The following PDE3A variants were observed in gnomAD, a reference collection of about 807,000 sequenced individuals.
PDE3A encodes phosphodiesterase 3A, also known as cGMP-inhibited 3',5'-cyclic phosphodiesterase 3A.
A neutral mutation model predicts 98.3 loss-of-function variants in PDE3A; 43 were observed. That is an observed-to-expected ratio of 0.44 (90% CI 0.34 to 0.56). The LOEUF (loss-of-function observed/expected upper bound fraction) is 0.56. PDE3A is among the 20% of genes least tolerant of loss of function. The pLI, the probability that PDE3A is intolerant of heterozygous loss-of-function variation, is 0.01. For missense variants in PDE3A, 1,427 were observed against 1,440.7 expected (o/e 0.99, Z 0.15); for synonymous variants, 663 against 567.9 (o/e 1.17, Z -2.38).
At chr12:20,615,856 A>T (rs1013645349) in intron 3 of PDE3A, among the ~76,000 whole-genome samples, 2 of 151,984 alleles carry the variant, frequency 1.3e-5, no homozygotes, top group African/African-American at 4.8e-5. Flanking sequence ...CTCCCGAGCA[A>T]CTGAGATTAC....
intron 1 of PDE3A, among the ~76,000 whole-genome samples, chr12:20,513,296 G>T (rs139040861): frequency 2.0e-5 from 3 of 152,086 alleles, no homozygotes; most frequent in African/African-American, 7.2e-5. Flanking sequence ...AAATATTTGT[G>T]GGTGTTGAGT....
At chr12:20,635,552 T>A (rs1944485953) in intron 8 of PDE3A, among the ~76,000 whole-genome samples, 1 of 147,306 alleles carries the variant, frequency 6.8e-6, no homozygotes, top group African/African-American at 2.5e-5. Flanking sequence ...CACTCCAGCC[T>A]GCGCAATAGA....
At chr12:20,523,495 G>A (rs1946465891) in intron 1 of PDE3A, among the ~76,000 whole-genome samples, 2 of 152,172 alleles carry the variant, frequency 1.3e-5, no homozygotes, top group Admixed American at 6.5e-5. Context: ...TCTTTGGTCT[G>A]CAGAGCCAAA....
intron 15 of PDE3A, among the ~76,000 whole-genome samples, chr12:20,660,973 G>GA (rs1009410830): frequency 1.3e-5 from 2 of 152,118 alleles, no homozygotes; most frequent in Non-Finnish European, 2.9e-5. Flanking sequence ...GGGCTCAGAA[G>GA]AAAAAAGAAA....
rs779814725 is a variant in PDE3A at position 20,370,153 on chromosome 12, G to A, written c.869G>A (p.Arg290Lys). The change falls in exon 1 of 16, where the codon AGG becomes AAG. Residue 290 changes from arginine to lysine, a missense_variant. By Grantham distance (26) the Arg-to-Lys change is conservative (BLOSUM62 2). Coordinates refer to ENST00000359062, the MANE Select transcript of PDE3A (RefSeq NM_000921.5). Reference protein sequence around the residue: ...KEDIPVFKRRRRSSSVVSAEM... With the variant: ...KEDIPVFKRRKRSSSVVSAEM... Reference sequence around the variant, plus strand: ...GATATCCCGGTGTTTAAGAGGAGGAGGCGGTCCAGCTCCGTCGTGTCCGCC... The same window carrying A: ...GATATCCCGGTGTTTAAGAGGAGGAAGCGGTCCAGCTCCGTCGTGTCCGCC... The A allele has an allele frequency of 1.4e-5, 23 of 1,613,454 alleles. No homozygotes were observed. The highest frequency in any genetic ancestry group is 2.2e-5 in the South Asian group (2 of 91,046).
At chr12:20,565,735 C>T (rs1293957971) in intron 2 of PDE3A, among the ~76,000 whole-genome samples, 1 of 151,722 alleles carries the variant, frequency 6.6e-6, no homozygotes, top group Admixed American at 6.6e-5. Flanking sequence ...ATTCTTGGTA[C>T]AATTTTTTTT....
chr12:20,613,548 T>A lies in PDE3A; in HGVS notation c.1117T>A (p.Ser373Thr), dbSNP rs1227654294. 29 of 1,613,984 alleles carry A rather than the reference T, an allele frequency of 1.8e-5. No individual in the cohort carries two copies. Among genetic ancestry groups the A allele is most frequent in the Non-Finnish European group, 2.3e-5 (27 of 1,179,982 alleles). ...TTCTCTTCCACCAAACGTGTGCACATCCTTGAGAGCCGTGAGCAACTTGCT... is the reference window on the plus strand; with the variant it reads ...TTCTCTTCCACCAAACGTGTGCACAACCTTGAGAGCCGTGAGCAACTTGCT... ...DPSLPPNVCTSLRAVSNLLST... is the reference protein window; with the variant it reads ...DPSLPPNVCTTLRAVSNLLST... The change falls in exon 3 of 16, where the codon TCC (serine) becomes ACC (threonine). Residue 373 changes from serine (S) to threonine (T), a missense_variant. Physicochemically the swap from Ser to Thr is moderately conservative, Grantham distance 58. Transcript: ENST00000359062.
chr12:20,547,898 T>G (rs1489446358), intron 1 of PDE3A, among the ~76,000 whole-genome samples: 1 of 152,156 alleles, frequency 6.6e-6, no homozygotes. Flanking sequence ...TATCTCTGCT[T>G]GGATAGAACC....
chr12:20,507,519 T>C (rs1946141441), intron 1 of PDE3A, among the ~76,000 whole-genome samples: 1 of 152,070 alleles, frequency 6.6e-6, no homozygotes, highest in Admixed American at 6.6e-5. Flanking sequence ...CTTCCCCTCT[T>C]CTGAATTCCA....
Position 20,646,770 on chromosome 12 carries a change from A to C in PDE3A, c.2385A>C (p.Thr795=). Residue 795 remains threonine (T), a synonymous_variant, in exon 12 of 16, where the codon ACA becomes ACC. Transcript: ENST00000359062. ...TSDSDSDSGF[T]HGHMGYVFSK... is the part of the protein sequence containing the mutation. ...TCTCAGATTCTGACAGTGGATTTACACATGGACATATGGGATATGTATTCT... is the reference window on the plus strand; with the variant it reads ...TCTCAGATTCTGACAGTGGATTTACCCATGGACATATGGGATATGTATTCT... 6.2e-7 allele frequency: 1 copy of C among 1,606,128 alleles called. No individual in the cohort carries two copies. Among genetic ancestry groups the C allele is most frequent in the Non-Finnish European group, 8.5e-7 (1 of 1,172,760 alleles).
chr12:20,436,497 T>A (rs907789995), intron 1 of PDE3A, among the ~76,000 whole-genome samples: 2 of 152,262 alleles, frequency 1.3e-5, no homozygotes, highest in Non-Finnish European at 2.9e-5. Context: ...CCTATTGGAA[T>A]AACAGACCAA....
chr12:20,556,599 G>T lies in PDE3A; in HGVS notation c.961-61G>T. 3.8e-6 allele frequency: 4 copies of T among 1,049,998 alleles called. No individual in the cohort carries two copies. In the Admixed American group the frequency reaches 7.2e-5, roughly 19 times the overall value. 65.0% of individuals were successfully genotyped at this position (1,049,998 alleles called of 1,614,324 possible). On this transcript the variant is annotated intron_variant, in intron 1 of 15. Transcript: ENST00000359062. ...CAACCTGATTATTCTTTAAAATAAA[G>T]AAGAAAAATGTTTGTCAGGTAAAAT...
intron 1 of PDE3A, among the ~76,000 whole-genome samples, chr12:20,452,696 G>T (rs1269225839): frequency 3.3e-5 from 5 of 152,180 alleles, no homozygotes; most frequent in African/African-American, 1.2e-4. Flanking sequence ...CCCACCTGGG[G>T]GAATGCTGGT....
intron 1 of PDE3A, among the ~76,000 whole-genome samples, chr12:20,433,993 A>G (rs1217146315): frequency 6.6e-6 from 1 of 152,190 alleles, no homozygotes; most frequent in African/African-American, 2.4e-5. Context: ...CTCTGAGATC[A>G]GGTCTCATTT....
intron 1 of PDE3A, among the ~76,000 whole-genome samples, chr12:20,534,008 C>T (rs999085876): frequency 6.6e-6 from 1 of 152,026 alleles, no homozygotes; most frequent in African/African-American, 2.4e-5. Flanking sequence ...TAGCATCTGC[C>T]AGGGGTGTTC....
At chr12:20,669,183 G>A in intron 15 of PDE3A, among the ~76,000 whole-genome samples, 1 of 151,844 alleles carries the variant, frequency 6.6e-6, no homozygotes, top group Non-Finnish European at 1.5e-5. Context: ...AAGCCTCCAA[G>A]AAATATGGGA....
intron 1 of PDE3A, among the ~76,000 whole-genome samples, chr12:20,545,219 AATT>A (rs1169455869): frequency 2.0e-5 from 3 of 152,078 alleles, no homozygotes; most frequent in African/African-American, 4.8e-5. Context: ...GGTTTAGAGG[AATT>A]ATTATCATTG....
intron 15 of PDE3A, among the ~76,000 whole-genome samples, chr12:20,656,283 A>G (rs1185201798): frequency 1.3e-5 from 2 of 152,204 alleles, no homozygotes; most frequent in Non-Finnish European, 2.9e-5. Flanking sequence ...ACCATCTTGT[A>G]AGGAGATTAA....
chr12:20,595,777 G>A (rs942662879), intron 2 of PDE3A, among the ~76,000 whole-genome samples: 4 of 152,074 alleles, frequency 2.6e-5, no homozygotes, highest in African/African-American at 9.7e-5. Flanking sequence ...AGGGGCCATT[G>A]CATCTGCTCT....
Sources: gnomAD v4.1 joint callset for allele counts (sites outside exome capture counted in the v4.1 genomes callset) on GRCh38, gnomAD v4.1.1 for gene constraint, MANE v1.5 for transcripts, NCBI Gene and HGNC (gene_info 2026-07-23, HGNC 2026-07-21) for gene names.